The following GRAMD1A variants were observed in gnomAD, a reference collection of about 807,000 sequenced individuals.
GRAMD1A encodes the protein GRAM domain containing 1A.
A neutral mutation model predicts 92.0 loss-of-function variants in GRAMD1A; 50 were observed. The ratio of observed to expected loss-of-function variants is 0.54; its 90% confidence interval spans 0.43 to 0.69. GRAMD1A has a LOEUF of 0.69. Among genes scored for constraint, GRAMD1A ranks in the 30% least tolerant of loss-of-function variants. GRAMD1A has a pLI of 0.00. For synonymous variants in GRAMD1A, 405 were observed against 403.6 expected, an observed-to-expected ratio of 1.00 and a Z score of -0.04; for missense variants, 819 against 978.9, an observed-to-expected ratio of 0.84 and a Z score of 2.18.
upstream of GRAMD1A, among the ~76,000 whole-genome samples, chr19:34,996,762 C>T (rs749006677): frequency 1.4e-4 from 21 of 149,484 alleles, no homozygotes; most frequent in Admixed American, 4.7e-4. Context: ...GCCGAGATTG[C>T]GCCACTGCTC....
At chr19:35,018,194 G>A (rs2015778540) in intron 11 of GRAMD1A, among the ~76,000 whole-genome samples, 1 of 152,086 alleles carries the variant, frequency 6.6e-6, no homozygotes, top group Non-Finnish European at 1.5e-5. Flanking sequence ...CACCGTGTTG[G>A]CCAGGCTGGT....
chr19:35,002,454 G>A, intron 1 of GRAMD1A: 1 of 152,672 alleles, frequency 6.5e-6, no homozygotes, highest in Non-Finnish European at 1.5e-5. Flanking sequence ...AGGCTGGACT[G>A]CAGTGGCACG....
chr19:35,008,880 G>T (rs2015013275), intron 1 of GRAMD1A, among the ~76,000 whole-genome samples: 1 of 152,148 alleles, frequency 6.6e-6, no homozygotes, highest in Non-Finnish European at 1.5e-5. Context: ...ATTTGTTTAA[G>T]CCCCAAAACA....
intron 1 of GRAMD1A, among the ~76,000 whole-genome samples, chr19:35,005,641 ATTATT>A (rs1344013887): frequency 6.6e-6 from 1 of 152,122 alleles, no homozygotes. Context: ...TGGCTGTTTA[ATTATT>A]TTATTCACGT....
At chr19:34,996,515 G>A (rs1468743096), upstream of GRAMD1A, among the ~76,000 whole-genome samples, 1 of 152,218 alleles carries the variant, frequency 6.6e-6, no homozygotes, top group Non-Finnish European at 1.5e-5. Flanking sequence ...CCTAGTAAGA[G>A]TGGAGGGGAA....
At chr19:35,012,152 T>C (rs889836332) in intron 7 of GRAMD1A, among the ~76,000 whole-genome samples, 1 of 152,196 alleles carries the variant, frequency 6.6e-6, no homozygotes, top group Non-Finnish European at 1.5e-5. Context: ...GAATAAGTAC[T>C]CAGTCATGTC....
chr19:34,996,235 C>A (rs1568310532), upstream of GRAMD1A: 2 of 1,535,580 alleles, frequency 1.3e-6, no homozygotes, highest in African/African-American at 2.7e-5. Flanking sequence ...GCACCCCAAC[C>A]CCCCGACGCC....
chr19:35,013,300 C>T lies in GRAMD1A; in HGVS notation c.651C>T (p.Tyr217=), dbSNP rs772049894. The T allele has an allele frequency of 8.1e-5, 126 of 1,551,942 alleles. No homozygotes were observed. The highest frequency in any genetic ancestry group is 1.7e-4 in the Middle Eastern group (1 of 5,834). Residue 217 remains tyrosine, a synonymous_variant, in exon 8 of 20, where the codon TAC becomes TAT. Coordinates refer to ENST00000317991, the MANE Select transcript of GRAMD1A (RefSeq NM_020895.5). This position sits in a 1 kb window ranked among gnomAD's most constrained non-coding sequence, Gnocchi z 4.9. ...RELWHLVHQC[Y]GSELGLTSED... The stretch of plus-strand genomic sequence containing the variant: ...TCTGGCACCTGGTGCATCAGTGCTA[C>T]GGCTCAGAGCTGGGCCTCACCAGTG...
chr19:35,015,798 C>A, intron 10 of GRAMD1A, 26 bp from the exon 11 acceptor site: 1 of 1,607,242 alleles, frequency 6.2e-7, no homozygotes. Context: ...AGGCAGTCAT[C>A]ATCCTCGGCT....
rs764905037 is a variant in GRAMD1A, at chr19:35,019,379, C to G, written c.1333-12C>G. 6.2e-6 allele frequency: 10 copies of G among 1,613,694 alleles called. No homozygotes were observed. The South Asian group carries it at 9.9e-5, about 16-fold the overall frequency. The stretch of plus-strand genomic sequence containing the variant: ...TGGGGTGGCCCTGACTTCTCCGGCT[C>G]TGTCCCTGCAGACGCTGTTCCGGCG... On this transcript the variant is annotated splice_polypyrimidine_tract_variant and intron_variant, in intron 12 of 19. Coordinates refer to ENST00000317991, the MANE Select transcript of GRAMD1A (RefSeq NM_020895.5).
rs895028499 is a variant in GRAMD1A, at chr19:35,013,029, T to C, written c.607-227T>C. The C allele has an allele frequency of 5.7e-6, 3 of 524,306 alleles. No individual in the cohort carries two copies. Among genetic ancestry groups the C allele is most frequent in the African/African-American group, 3.8e-5 (2 of 52,252 alleles). The allele number at this position is 524,306 out of a possible 1,614,324, so 32.5% of individuals were successfully genotyped here. A position where few individuals can be genotyped will look rare whatever the true frequency, so the allele number is the denominator to read the frequency against. ...AAATGGGAACATTCTCTGGCCAGAG[T>C]ATTGTGGGGACTTGGGAAGCAGGAA... On this transcript the variant is annotated intron_variant, in intron 7 of 19. Coordinates refer to ENST00000317991, the MANE Select transcript of GRAMD1A (RefSeq NM_020895.5). This position sits in a 1 kb window ranked among gnomAD's most constrained non-coding sequence, Gnocchi z 4.9.
chr19:35,018,271 A>C (rs34080015), intron 11 of GRAMD1A, among the ~76,000 whole-genome samples: 521 of 152,324 alleles, frequency 3.4e-3, no homozygotes, highest in Non-Finnish European at 5.5e-3. Flanking sequence ...TGCTGGGATT[A>C]CAGGCGTGAG....
chr19:35,016,625 G>A (rs1296681735), intron 11 of GRAMD1A, among the ~76,000 whole-genome samples: 2 of 148,290 alleles, frequency 1.3e-5, no homozygotes, highest in Non-Finnish European at 3.0e-5. Context: ...GGGGTGCTGG[G>A]CACAGTGGCT....
intron 11 of GRAMD1A, among the ~76,000 whole-genome samples, chr19:35,016,448 T>C (rs1181631306): frequency 6.7e-6 from 1 of 149,978 alleles, no homozygotes; most frequent in African/African-American, 2.5e-5. Context: ...AATACAAAAA[T>C]CAGCTAGGTG....
intron 11 of GRAMD1A, among the ~76,000 whole-genome samples, chr19:35,018,975 C>T (rs12461339): frequency 0.37 from 55,655 of 151,658 alleles, 10,418 homozygotes; most frequent in Middle Eastern, 0.48. Context: ...GAAGCCAAGA[C>T]GGGTGCAGAG....
chr19:35,020,219 CT>C (rs2151731161), intron 13 of GRAMD1A, among the ~76,000 whole-genome samples: 2 of 152,236 alleles, frequency 1.3e-5, no homozygotes, highest in East Asian at 3.9e-4. Flanking sequence ...TACGGAAGCC[CT>C]GTCTCTACAA....
rs369609915 is a variant in GRAMD1A, at chr19:35,015,927, G to A, written c.1173G>A (p.Ser391=). 3.1e-6 allele frequency: 5 copies of A among 1,613,918 alleles called. No individual in the cohort carries two copies. Among genetic ancestry groups the A allele is most frequent in the African/African-American group, 2.7e-5 (2 of 74,924 alleles). The change falls in exon 11 of 20, where the codon TCG becomes TCA. Residue 391 remains serine, a synonymous_variant. Coordinates refer to ENST00000317991, the MANE Select transcript of GRAMD1A (RefSeq NM_020895.5). ...ERLQQMLFSD[S]PFLQGFLQQC... ...TCCAGCAGATGCTCTTCTCGGACTC[G>A]CCCTTCCTCCAGGGCTTCCTACAGC...
At chr19:35,016,595 A>T (rs1034239057) in intron 11 of GRAMD1A, among the ~76,000 whole-genome samples, 1 of 102,330 alleles carries the variant, frequency 9.8e-6, no homozygotes, top group Non-Finnish European at 1.9e-5. Context: ...CTCTGTCTCA[A>T]AAAAACAGGG....
rs201640440 is a variant in GRAMD1A at position 35,021,837 on chromosome 19, T to C, written c.1726T>C (p.Cys576Arg). The C allele has an allele frequency of 1.2e-4, 187 of 1,604,330 alleles. No individual in the cohort carries two copies. In the African/African-American group the frequency reaches 2.3e-3, roughly 20 times the overall value. ...GCCCCAGCACCCAGATCCTGACCCCTGTGCCCGGGCCGGCATTCACACCTC... is the reference window on the plus strand; with the variant it reads ...GCCCCAGCACCCAGATCCTGACCCCCGTGCCCGGGCCGGCATTCACACCTC... ...DGPQHPDPDP[C>R]ARAGIHTSGS... The change falls in exon 15 of 20, where the codon TGT becomes CGT. Residue 576 changes from cysteine (C) to arginine (R), a missense_variant. Coordinates refer to ENST00000317991, the MANE Select transcript of GRAMD1A (RefSeq NM_020895.5). The surrounding 1 kb of genome is among the most constrained non-coding windows in gnomAD (Gnocchi z 5.3).
Sources: allele counts gnomAD v4.1 joint callset (sites outside exome capture counted in the v4.1 genomes callset), GRCh38; gene constraint gnomAD v4.1.1; non-coding constraint Gnocchi (gnomAD v3.1); transcripts MANE v1.5; gene names NCBI Gene and HGNC (gene_info 2026-07-23, HGNC 2026-07-21).